Variants in PABPC4L observed in about 807,000 individuals in gnomAD.
The protein encoded by PABPC4L is polyadenylate-binding protein 4-like.
For synonymous variants in PABPC4L, 169 were observed against 164.1 expected (o/e 1.03, Z -0.23); for missense variants, 452 against 451.4 (o/e 1.00, Z -0.01).
chr4:134,100,564 AC>A, the PABPC4L span, among the ~76,000 whole-genome samples: 1 of 151,644 alleles, frequency 6.6e-6, no homozygotes, highest in Non-Finnish European at 1.5e-5. Flanking sequence ...CTGGGTGCAC[AC>A]GCACATATTC....
chr4:134,106,600 A>T, the PABPC4L span, among the ~76,000 whole-genome samples: 1 of 151,604 alleles, frequency 6.6e-6, no homozygotes, highest in East Asian at 1.9e-4. Context: ...AAATTTAGTG[A>T]CTATATCAAT....
At chr4:134,087,229 A>G in the PABPC4L span, among the ~76,000 whole-genome samples, 85 of 152,128 alleles carry the variant, frequency 5.6e-4, no homozygotes, top group African/African-American at 1.8e-3. Flanking sequence ...GCACATATAC[A>G]CCATGGAATA....
the PABPC4L span, among the ~76,000 whole-genome samples, chr4:134,136,413 T>G: frequency 6.6e-6 from 1 of 152,160 alleles, no homozygotes; most frequent in Admixed American, 6.6e-5. Context: ...TGTTTTGTTT[T>G]TAAAGAGATT....
At chr4:133,973,356 G>A in the PABPC4L span, among the ~76,000 whole-genome samples, 8 of 144,154 alleles carry the variant, frequency 5.5e-5, no homozygotes, top group African/African-American at 2.1e-4. Context: ...CCCCATAACA[G>A]CAATAAGAGC....
chr4:134,187,501 C>G, the PABPC4L span, among the ~76,000 whole-genome samples: 6 of 123,194 alleles, frequency 4.9e-5, no homozygotes, highest in South Asian at 2.7e-4. Flanking sequence ...AATGAGAACA[C>G]TTGGACACAG....
At chr4:133,977,039 A>C in the PABPC4L span, among the ~76,000 whole-genome samples, 1 of 152,168 alleles carries the variant, frequency 6.6e-6, no homozygotes, top group Non-Finnish European at 1.5e-5. Flanking sequence ...GAATTTTTAT[A>C]GTTTTGGGTT....
At chr4:134,014,434 A>AG in the PABPC4L span, among the ~76,000 whole-genome samples, 2 of 152,172 alleles carry the variant, frequency 1.3e-5, no homozygotes. Flanking sequence ...TGCCTCCCCC[A>AG]GGAACTTGCT....
the PABPC4L span, among the ~76,000 whole-genome samples, chr4:134,112,565 C>T: frequency 5.7e-5 from 8 of 141,590 alleles, no homozygotes; most frequent in African/African-American, 1.1e-4. Flanking sequence ...CTATGCTCCA[C>T]GTAACTATCT....
At chr4:134,007,985 A>G in the PABPC4L span, among the ~76,000 whole-genome samples, 1 of 151,848 alleles carries the variant, frequency 6.6e-6, no homozygotes, top group African/African-American at 2.4e-5. Context: ...AGATGTGTAA[A>G]CTATAATGAA....
At chr4:134,013,666 C>T in the PABPC4L span, among the ~76,000 whole-genome samples, 406 of 152,176 alleles carry the variant, frequency 2.7e-3, no homozygotes, top group Non-Finnish European at 4.8e-3. Flanking sequence ...GATGTCCAGG[C>T]ATTCTTTTAC....
the PABPC4L span, among the ~76,000 whole-genome samples, chr4:134,165,120 T>C: frequency 4.2e-4 from 64 of 152,188 alleles, no homozygotes; most frequent in African/African-American, 1.4e-3. Context: ...TCTCACCATA[T>C]ACAAAAATCA....
chr4:134,142,070 A>T, the PABPC4L span, among the ~76,000 whole-genome samples: 12 of 151,756 alleles, frequency 7.9e-5, no homozygotes, highest in Non-Finnish European at 1.5e-4. Context: ...ATTTCTAATA[A>T]ATGAATAGTG....
the PABPC4L span, among the ~76,000 whole-genome samples, chr4:134,133,267 A>C: frequency 7.2e-6 from 1 of 138,458 alleles, no homozygotes; most frequent in Non-Finnish European, 1.5e-5. Context: ...ATAATATACT[A>C]AATTATTTAT....
chr4:133,965,225 G>C, the PABPC4L span, among the ~76,000 whole-genome samples: 4 of 151,952 alleles, frequency 2.6e-5, no homozygotes, highest in Admixed American at 2.0e-4. Context: ...TACAATAGCT[G>C]CAAAAAATCT....
chr4:134,174,524 C>G, the PABPC4L span, among the ~76,000 whole-genome samples: 1 of 152,080 alleles, frequency 6.6e-6, no homozygotes, highest in Non-Finnish European at 1.5e-5. Context: ...TACAATGACA[C>G]CAGGTGATAG....
chr4:134,194,131 G>C (rs1729588395), downstream of PABPC4L, among the ~76,000 whole-genome samples: 1 of 151,884 alleles, frequency 6.6e-6, no homozygotes. Flanking sequence ...AAAAAGAAGA[G>C]TTATGTTGCC....
the PABPC4L span, among the ~76,000 whole-genome samples, chr4:134,162,201 G>A: frequency 0.022 from 3,415 of 152,030 alleles, 128 homozygotes; most frequent in African/African-American, 0.078. Flanking sequence ...CCAGAAAAGG[G>A]ATAACAAAAT....
the PABPC4L span, among the ~76,000 whole-genome samples, chr4:134,033,877 G>A: frequency 6.6e-6 from 1 of 151,978 alleles, no homozygotes; most frequent in African/African-American, 2.4e-5. Flanking sequence ...TGCTAATGGA[G>A]AAGCTGCAGC....
At chr4:134,072,667 TG>T in the PABPC4L span, among the ~76,000 whole-genome samples, 2 of 152,086 alleles carry the variant, frequency 1.3e-5, no homozygotes, top group Non-Finnish European at 1.5e-5. Flanking sequence ...ACACTGGACT[TG>T]GGTATGAAAA....
Sources: gnomAD v4.1 joint callset for allele counts (sites outside exome capture counted in the v4.1 genomes callset) on GRCh38, gnomAD v4.1.1 for gene constraint, MANE v1.5 for transcripts, NCBI Gene and HGNC (gene_info 2026-07-23, HGNC 2026-07-21) for gene names.